Variants in KIAA1549 observed in about 807,000 individuals in gnomAD.
KIAA1549 encodes KIAA1549.
Under a neutral mutation model 156.4 loss-of-function variants are expected in KIAA1549, and 70 were observed. The ratio of observed to expected loss-of-function variants is 0.45; its 90% confidence interval spans 0.37 to 0.55. The LOEUF (loss-of-function observed/expected upper bound fraction) is 0.55. Among genes scored for constraint, KIAA1549 ranks in the 20% least tolerant of loss-of-function variants. The probability of loss-of-function intolerance (pLI) is 0.00; values close to 1 mark genes in which losing one functional copy is unlikely to be tolerated. For synonymous variants in KIAA1549, 1,103 were observed against 1,066.4 expected (o/e 1.03, Z -0.67); for missense variants, 2,428 against 2,540.9 (o/e 0.96, Z 0.96).
At chr7:138,888,690 G>A (rs1228815962) in intron 10 of KIAA1549, among the ~76,000 whole-genome samples, 2 of 152,166 alleles carry the variant, frequency 1.3e-5, no homozygotes, top group African/African-American at 4.8e-5. Flanking sequence ...AATTAGGCAG[G>A]CTAAGAGGTA....
intron 17 of KIAA1549, among the ~76,000 whole-genome samples, chr7:138,846,475 G>T (rs576366893): frequency 6.7e-6 from 1 of 149,210 alleles, no homozygotes; most frequent in East Asian, 2.0e-4. Flanking sequence ...TGGAGGTTGC[G>T]GTGAGCGGAG....
In KIAA1549 at chr7:138,835,827, T is replaced by C. The variant is rs1204792246; in HGVS notation, c.*2079A>G. On this transcript the variant is annotated 3_prime_UTR_variant, in exon 20 of 20. Transcript: ENST00000422774. ...AAGGGGCATTCTCTCCAATGCTCCTTGGAGCCTCTGAGGATCGCCTGATAA... is the reference window on the plus strand; with the variant it reads ...AAGGGGCATTCTCTCCAATGCTCCTCGGAGCCTCTGAGGATCGCCTGATAA... The C allele has an allele frequency of 4.1e-5, 9 of 221,970 alleles. No individual in the cohort carries two copies. The highest frequency in any genetic ancestry group is 8.1e-5 in the Non-Finnish European group (9 of 111,042). 13.8% of individuals were successfully genotyped at this position (221,970 alleles called of 1,614,324 possible).
At chr7:138,926,237 T>A (rs1812714420) in intron 1 of KIAA1549, among the ~76,000 whole-genome samples, 1 of 152,202 alleles carries the variant, frequency 6.6e-6, no homozygotes, top group Non-Finnish European at 1.5e-5. Context: ...CAGTTGATCA[T>A]TAAACCACTC....
At position 138,832,262 on chromosome 7, in the gene KIAA1549, T is replaced by C. The variant is rs927999697; in HGVS notation, c.*5644A>G. On this transcript the variant is annotated 3_prime_UTR_variant, in exon 20 of 20. Coordinates refer to ENST00000422774, the MANE Select transcript of KIAA1549 (RefSeq NM_001164665.2). ...CCCAGGCTGGAGTGCAGTGGCGTGA[T>C]TATAGCTCACTGCAGCCTCCAACTC... 2 of 204,022 alleles carry C rather than the reference T, an allele frequency of 9.8e-6. No homozygotes were observed. The highest frequency in any genetic ancestry group is 2.0e-5 in the Non-Finnish European group (2 of 100,346). The allele number at this position is 204,022 out of a possible 1,614,324, so 12.6% of individuals were successfully genotyped here. A position where few individuals can be genotyped will look rare whatever the true frequency, so the allele number is the denominator to read the frequency against.
chr7:138,916,970 T>G lies in KIAA1549; in HGVS notation c.2656A>C (p.Thr886Pro), dbSNP rs939857891. The change falls in exon 2 of 20, where the codon ACC becomes CCC. Residue 886 changes from threonine to proline, a missense_variant. Thr to Pro is a conservative substitution (Grantham distance 38, BLOSUM62 -1). Transcript: ENST00000422774. ...CCACCAGTGGCAGCACCGGTGCTGG[T>G]TGTGCTCACTTCCGTGGAGGTGTTC... is the stretch of plus-strand genomic sequence containing the variant. Reference protein sequence around the residue: ...PLNTSTEVSTTSTGAATGGPL... With the variant: ...PLNTSTEVSTPSTGAATGGPL... 40 of 1,601,486 alleles carry G rather than the reference T, an allele frequency of 2.5e-5. No individual in the cohort carries two copies. The highest frequency in any genetic ancestry group is 3.4e-5 in the Non-Finnish European group (40 of 1,173,660).
At chr7:138,965,150 G>A (rs1406581238) in intron 1 of KIAA1549, among the ~76,000 whole-genome samples, 1 of 152,080 alleles carries the variant, frequency 6.6e-6, no homozygotes, top group Non-Finnish European at 1.5e-5. Context: ...GGTTAGGGAA[G>A]GCCTCCCTGG....
intron 16 of KIAA1549, among the ~76,000 whole-genome samples, chr7:138,859,782 A>C (rs10233094): frequency 0.011 from 1,686 of 152,310 alleles, 23 homozygotes; most frequent in African/African-American, 0.039. Flanking sequence ...CAGTGTTTTC[A>C]GTTGTTTCAG....
intron 2 of KIAA1549, among the ~76,000 whole-genome samples, chr7:138,914,175 T>A (rs1177014771): frequency 6.6e-6 from 1 of 152,032 alleles, no homozygotes; most frequent in African/African-American, 2.4e-5. Flanking sequence ...AAAGACATCA[T>A]CGGTCTAAAT....
At chr7:138,940,020 ATTT>A (rs1307195045) in intron 1 of KIAA1549, among the ~76,000 whole-genome samples, 1 of 152,008 alleles carries the variant, frequency 6.6e-6, no homozygotes, top group Non-Finnish European at 1.5e-5. Context: ...TTTAAAAATA[ATTT>A]TTTTATTATA....
intron 1 of KIAA1549, among the ~76,000 whole-genome samples, chr7:138,949,385 A>G (rs1813428887): frequency 6.6e-6 from 1 of 152,238 alleles, no homozygotes; most frequent in African/African-American, 2.4e-5. Context: ...CGAAGTGATA[A>G]TGTCAGGATA....
intron 1 of KIAA1549, among the ~76,000 whole-genome samples, chr7:138,943,637 C>T (rs562501821): frequency 4.6e-5 from 7 of 152,226 alleles, no homozygotes; most frequent in African/African-American, 1.4e-4. Context: ...ATCACAAGGT[C>T]AGGAGATCGA....
At chr7:138,920,684 A>C (rs1380933012) in intron 1 of KIAA1549, among the ~76,000 whole-genome samples, 1 of 152,208 alleles carries the variant, frequency 6.6e-6, no homozygotes, top group Admixed American at 6.5e-5. Context: ...ATGAAAGCCC[A>C]GGGCCCAGGG....
rs1232105574 is a variant in KIAA1549 at position 138,852,272 on chromosome 7, G to A, written c.5248-3C>T. ...GTCATTCCATAGTCTTCGTATCTCT[G>A]GAAGACATACAAAAGAACATGAAGA... On this transcript the variant is annotated splice_region_variant and splice_polypyrimidine_tract_variant and intron_variant, in intron 16 of 19. Transcript: ENST00000422774. 3.1e-6 allele frequency: 5 copies of A among 1,598,088 alleles called. No individual in the cohort carries two copies. The highest frequency in any genetic ancestry group is 4.3e-6 in the Non-Finnish European group (5 of 1,169,434).
intron 3 of KIAA1549, 109 bp downstream of exon 3, chr7:138,912,261 AAG>A: frequency 1.3e-6 from 1 of 773,472 alleles, no homozygotes; most frequent in South Asian, 1.4e-5. Context: ...GACAAGAGGG[AAG>A]AGATGAAATA....
At position 138,941,179 on chromosome 7, in the gene KIAA1549, G is replaced by A. The variant is rs189441100; in HGVS notation, c.188-21741C>T. 4.8e-3 allele frequency among the ~76,000 whole-genome samples: 732 copies of A among 152,226 alleles called. 6 individuals carry two copies. The highest frequency in any genetic ancestry group is 5.9e-3 in the Non-Finnish European group (401 of 68,012). On this transcript the variant is annotated intron_variant, in intron 1 of 19. Coordinates refer to ENST00000422774, the MANE Select transcript of KIAA1549 (RefSeq NM_001164665.2). ...CAATAATGTTATTTGTGTTTTGTAA[G>A]AACATTTAATAAGTCACCTGATTAG...
At chr7:138,968,329 T>G (rs1189606579) in intron 1 of KIAA1549, among the ~76,000 whole-genome samples, 1 of 152,154 alleles carries the variant, frequency 6.6e-6, no homozygotes, top group Non-Finnish European at 1.5e-5. Context: ...GTCCTGCACA[T>G]GTATTCCAGA....
intron 8 of KIAA1549, among the ~76,000 whole-genome samples, chr7:138,900,090 T>A (rs986787418): frequency 1.3e-5 from 2 of 152,232 alleles, no homozygotes; most frequent in African/African-American, 4.8e-5. Flanking sequence ...ATTGGCAACA[T>A]GCAGCTGCTA....
chr7:138,910,664 CT>C (rs1812142163), intron 4 of KIAA1549, among the ~76,000 whole-genome samples: 1 of 150,662 alleles, frequency 6.6e-6, no homozygotes, highest in South Asian at 2.1e-4. Flanking sequence ...TCTCAAAGTG[CT>C]GAGATTACAG....
intron 1 of KIAA1549, among the ~76,000 whole-genome samples, chr7:138,931,743 G>T (rs1812877722): frequency 9.2e-6 from 1 of 108,438 alleles, no homozygotes; most frequent in Non-Finnish European, 1.7e-5. Flanking sequence ...CAGAGCAAAA[G>T]TCCCATCTCA....
Sources: gnomAD v4.1 joint callset for allele counts (sites outside exome capture counted in the v4.1 genomes callset) on GRCh38, gnomAD v4.1.1 for gene constraint, MANE v1.5 for transcripts, NCBI Gene and HGNC (gene_info 2026-07-23, HGNC 2026-07-21) for gene names.